The following FAS variants were observed in gnomAD, a reference collection of about 807,000 sequenced individuals.
FAS encodes Fas cell surface death receptor.
FAS carries 5 observed loss-of-function variants against 33.2 expected under a neutral mutation model. The ratio of observed to expected loss-of-function variants is 0.15; its 90% CI spans 0.08 to 0.32. The LOEUF is 0.32. FAS is among the 10% of genes least tolerant of loss of function. FAS has a pLI of 1.00. For missense variants in FAS, 339 were observed against 386.0 expected, an observed-to-expected ratio of 0.88 and a Z score of 1.02; for synonymous variants, 131 against 130.7, an observed-to-expected ratio of 1.00 and a Z score of -0.01.
At chr10:89,000,687 T>C (rs1847870488) in intron 1 of FAS, among the ~76,000 whole-genome samples, 1 of 152,236 alleles carries the variant, frequency 6.6e-6, no homozygotes, top group African/African-American at 2.4e-5. Context: ...AGGGCATTTT[T>C]TTCTGCAGTA....
At position 89,012,098 on chromosome 10, in the gene FAS, G is replaced by A; in HGVS notation, c.651+17G>A. On this transcript the variant is annotated intron_variant, in intron 7 of 8. Coordinates refer to ENST00000652046, the MANE Select transcript of FAS (RefSeq NM_000043.6). ...TTAAATCCTGTAGGTATTGAAATAG[G>A]TATCAGCTTTCCTTGAAAAGAAAAA... 6.3e-7 allele frequency: 1 copy of A among 1,592,764 alleles called. No individual in the cohort carries two copies. The highest frequency in any genetic ancestry group is 8.6e-7 in the Non-Finnish European group (1 of 1,160,846).
At chr10:89,010,712 T>G in intron 5 of FAS, 41 bp from the exon 6 acceptor site, 3 of 1,612,232 alleles carry the variant, frequency 1.9e-6, no homozygotes, top group Non-Finnish European at 8.5e-7. Flanking sequence ...TCTTAAAGAT[T>G]GCTTATTTTC....
chr10:89,001,702 A>G (rs541887017), intron 1 of FAS, among the ~76,000 whole-genome samples: 2 of 152,326 alleles, frequency 1.3e-5, no homozygotes, highest in African/African-American at 4.8e-5. Context: ...TGCTGCAGGC[A>G]ATGGGTGAAT....
At chr10:88,967,053 A>G (rs375619117) in intron 1 of FAS, among the ~76,000 whole-genome samples, 5 of 152,238 alleles carry the variant, frequency 3.3e-5, no homozygotes, top group East Asian at 1.9e-4. Flanking sequence ...AGCTTCAGAC[A>G]TACTTTAGCC....
chr10:89,009,947 TC>T (rs1316082509), intron 4 of FAS, among the ~76,000 whole-genome samples: 1 of 152,226 alleles, frequency 6.6e-6, no homozygotes, highest in East Asian at 1.9e-4. Flanking sequence ...CAGTGTGACT[TC>T]CCAAGCTCAC....
chr10:88,966,750 C>G (rs1846325002), intron 1 of FAS, among the ~76,000 whole-genome samples: 1 of 152,138 alleles, frequency 6.6e-6, no homozygotes, highest in Admixed American at 6.6e-5. Context: ...TTTCAGGGCT[C>G]CTGAGCAGGT....
intron 1 of FAS, among the ~76,000 whole-genome samples, chr10:88,965,621 G>A (rs1398280751): frequency 6.6e-6 from 1 of 151,614 alleles, no homozygotes; most frequent in Admixed American, 6.6e-5. Context: ...AGAGGTCCTC[G>A]GGCAAACAGG....
intron 2 of FAS, among the ~76,000 whole-genome samples, chr10:89,005,509 C>CAT (rs9658746): frequency 1.8e-4 from 27 of 151,190 alleles, no homozygotes; most frequent in South Asian, 8.4e-4. Flanking sequence ...ACACATTGTA[C>CAT]ATATATATAT....
At chr10:88,988,329 G>C (rs1157588686), upstream of FAS, among the ~76,000 whole-genome samples, 1 of 151,300 alleles carries the variant, frequency 6.6e-6, no homozygotes, top group East Asian at 1.9e-4. Flanking sequence ...TTGCAATTTA[G>C]TAAAAACAAT....
At position 89,014,533 on chromosome 10, in the gene FAS, G is replaced by A. The variant is rs1301399681; in HGVS notation, c.*83G>A. The A allele has an allele frequency of 6.1e-6, 8 of 1,308,276 alleles. No homozygotes were observed. Among genetic ancestry groups the A allele is most frequent in the Middle Eastern group, 2.2e-4 (1 of 4,464 alleles). The allele number at this position is 1,308,276 out of a possible 1,614,324, so 81.0% of individuals were successfully genotyped here. On this transcript the variant is annotated 3_prime_UTR_variant, in exon 9 of 9. Coordinates refer to ENST00000652046, the MANE Select transcript of FAS (RefSeq NM_000043.6). ...TAATAGCTGGCTGTAAATACTGCTT[G>A]GTTTTTTACTGGGTACATTTTATCA...
chr10:88,985,637 TA>T (rs1056543982), upstream of FAS, among the ~76,000 whole-genome samples: 1 of 152,122 alleles, frequency 6.6e-6, no homozygotes, highest in Non-Finnish European at 1.5e-5. Flanking sequence ...GGTGCCCTGG[TA>T]AAGAGTCCCC....
chr10:88,996,316 A>G (rs1847589410), intron 1 of FAS, among the ~76,000 whole-genome samples: 1 of 151,740 alleles, frequency 6.6e-6, no homozygotes, highest in Non-Finnish European at 1.5e-5. Context: ...TTCAGGCTTG[A>G]TTTTAAAAAT....
chr10:88,986,123 A>T (rs188500043), upstream of FAS, among the ~76,000 whole-genome samples: 1 of 152,358 alleles, frequency 6.6e-6, no homozygotes, highest in Admixed American at 6.5e-5. Flanking sequence ...CAAGTAGACT[A>T]CAGAAATGGC....
At chr10:88,976,075 G>A (rs11202915) in intron 2 of FAS, among the ~76,000 whole-genome samples, 55,055 of 151,954 alleles carry the variant, frequency 0.36, 10,438 homozygotes, top group Non-Finnish European at 0.4. Flanking sequence ...TTATCAATTA[G>A]TTATAGTGAT....
rs1799804239 is a variant in FAS, at chr10:88,990,998, G to T, written c.30+92G>T. ...GGGCGCGGGACGCGTGCGGGATTGCGGCGGCAGCGGCGCACGCGGGCACCT... is the reference window on the plus strand; with the variant it reads ...GGGCGCGGGACGCGTGCGGGATTGCTGCGGCAGCGGCGCACGCGGGCACCT... On this transcript the variant is annotated intron_variant, in intron 1 of 8. Coordinates refer to ENST00000652046, the MANE Select transcript of FAS (RefSeq NM_000043.6). This position sits in a 1 kb window ranked among gnomAD's most constrained non-coding sequence, Gnocchi z 4.9. 1.9e-6 allele frequency: 3 copies of T among 1,565,080 alleles called. No homozygotes were observed. The highest frequency in any genetic ancestry group is 2.6e-6 in the Non-Finnish European group (3 of 1,140,234).
Position 89,014,314 on chromosome 10 carries a change from A to G in FAS, c.872A>G (p.Tyr291Cys). Residue 291 changes from tyrosine to cysteine, a missense_variant, in exon 9 of 9, where the codon TAT becomes TGT. Coordinates refer to ENST00000652046, the MANE Select transcript of FAS (RefSeq NM_000043.6). The stretch of plus-strand genomic sequence containing the variant: ...CAACTTCATGGAAAGAAAGAAGCGT[A>G]TGACACATTGATTAAAGATCTCAAA... Reference protein sequence around the residue: ...WHQLHGKKEAYDTLIKDLKKA... With the variant: ...WHQLHGKKEACDTLIKDLKKA... 1.2e-6 allele frequency: 2 copies of G among 1,613,978 alleles called. No homozygotes were observed. Among genetic ancestry groups the G allele is most frequent in the East Asian group, 2.2e-5 (1 of 44,848 alleles).
intron 3 of FAS, 50 bp from the exon 4 acceptor site, chr10:89,008,839 C>A: frequency 1.3e-6 from 2 of 1,550,804 alleles, no homozygotes; most frequent in South Asian, 1.1e-5. Context: ...TTTTCATAGT[C>A]TGCTTATAAT....
Position 89,010,456 on chromosome 10 carries a change from C to T in FAS, c.444-83C>T, listed in dbSNP as rs1848468242. On this transcript the variant is annotated intron_variant, in intron 4 of 8. Coordinates refer to ENST00000652046, the MANE Select transcript of FAS (RefSeq NM_000043.6). ...GAGATGCAAAGATGAATAAAATGGC[C>T]CCTAATTTACAAAGTGCCATTGAAA... 6 of 1,085,918 alleles carry T rather than the reference C, an allele frequency of 5.5e-6. No individual in the cohort carries two copies. The East Asian group carries it at 1.2e-4, about 22-fold the overall frequency. 67.3% of individuals were successfully genotyped at this position (1,085,918 alleles called of 1,614,324 possible). A position where few individuals can be genotyped will look rare whatever the true frequency, so the allele number is the denominator to read the frequency against.
intron 1 of FAS, among the ~76,000 whole-genome samples, chr10:88,968,375 G>C (rs564027184): frequency 5.9e-5 from 9 of 152,226 alleles, no homozygotes; most frequent in Middle Eastern, 3.4e-3. Flanking sequence ...CAGGGTTTTT[G>C]ATCATCTTGG....
Sources: allele counts gnomAD v4.1 joint callset (sites outside exome capture counted in the v4.1 genomes callset), GRCh38; gene constraint gnomAD v4.1.1; non-coding constraint Gnocchi (gnomAD v3.1); transcripts MANE v1.5; gene names NCBI Gene and HGNC (gene_info 2026-07-23, HGNC 2026-07-21).